Variants in ADCY10 observed in about 807,000 individuals in gnomAD.
The protein encoded by ADCY10 is adenylate cyclase 10.
ADCY10 carries 156 observed loss-of-function variants against 183.3 expected under a neutral mutation model. The observed-to-expected ratio is 0.85, with a 90% CI of 0.75 to 0.97. ADCY10 has a LOEUF of 0.97. Ranked by LOEUF, ADCY10 falls within the 50% of genes least tolerant of loss-of-function variation. The pLI, the probability that ADCY10 is intolerant of heterozygous loss-of-function variation, is 0.00. For missense variants in ADCY10, 1,745 were observed against 1,934.3 expected (o/e 0.90, Z 1.84); for synonymous variants, 645 against 670.0 (o/e 0.96, Z 0.58).
At position 167,856,121 on chromosome 1, in the gene ADCY10, T is replaced by C. The variant is rs376769988; in HGVS notation, c.2171+44A>G. On this transcript the variant is annotated intron_variant, in intron 17 of 32. Transcript: ENST00000367851. Reference sequence around the variant, plus strand: ...TCTGATGAAGTCTAGACCGAGGGAATGTATGCAGATGTCGAGAGTTCAGAA... The same window carrying C: ...TCTGATGAAGTCTAGACCGAGGGAACGTATGCAGATGTCGAGAGTTCAGAA... 1,629 of 1,603,880 alleles carry C rather than the reference T, an allele frequency of 1.0e-3. 2 individuals carry two copies. Among genetic ancestry groups the C allele is most frequent in the Non-Finnish European group, 1.3e-3 (1,506 of 1,170,928 alleles).
chr1:167,829,511 A>G, intron 25 of ADCY10, 88 bp from the exon 26 acceptor site: 2 of 1,506,472 alleles, frequency 1.3e-6, no homozygotes, highest in Non-Finnish European at 1.8e-6. Context: ...TGTCCTCACT[A>G]TGGGCCTGGG....
At chr1:167,887,333 T>C (rs61806998) in intron 8 of ADCY10, among the ~76,000 whole-genome samples, 27,404 of 152,208 alleles carry the variant, frequency 0.18, 2,793 homozygotes, top group South Asian at 0.31. Context: ...TAAGAAAATG[T>C]GGCATGTATA....
chr1:167,870,283 C>G lies in ADCY10; in HGVS notation c.1590G>C (p.Glu530Asp), dbSNP rs765573001. The G allele has an allele frequency of 3.7e-6, 6 of 1,614,052 alleles. No individual in the cohort carries two copies. ...TGTGATTCTTACCTTGGGCCAGGTACTCAATTTTCATAAGTATCTGGCTTT... is the reference window on the plus strand; with the variant it reads ...TGTGATTCTTACCTTGGGCCAGGTAGTCAATTTTCATAAGTATCTGGCTTT... ...YGKSQILMKI[E>D]YLAQGKNHRI... Residue 530 changes from glutamate to aspartate, a missense_variant, in exon 14 of 33, where the codon GAG (glutamate) becomes GAC (aspartate). Physicochemically the swap from Glu to Asp is conservative, Grantham distance 45. Transcript: ENST00000367851.
chr1:167,883,701 A>C (rs968534853), intron 8 of ADCY10, 73 bp from the exon 9 acceptor site: 2 of 1,401,050 alleles, frequency 1.4e-6, no homozygotes, highest in Non-Finnish European at 2.0e-6. Flanking sequence ...CCCCCACCTC[A>C]TACCCGAAAT....
At chr1:167,842,117 C>T (rs1320323285) in intron 21 of ADCY10, among the ~76,000 whole-genome samples, 1 of 152,160 alleles carries the variant, frequency 6.6e-6, no homozygotes, top group East Asian at 1.9e-4. Flanking sequence ...CAGCTTCCTC[C>T]CTATCTGATT....
rs141877775 is a variant in ADCY10 at position 167,871,267 on chromosome 1, A to C, written c.1463-857T>G. On this transcript the variant is annotated intron_variant, in intron 13 of 32. Coordinates refer to ENST00000367851, the MANE Select transcript of ADCY10 (RefSeq NM_018417.6). ...TTATACTTAATTCAGGGCTACAAAA[A>C]GCATTACCAGGGATAAAATTCAATT... 6.7e-3 allele frequency among the ~76,000 whole-genome samples: 1,026 copies of C among 152,328 alleles called. 16 individuals are homozygous for C. The highest frequency in any genetic ancestry group is 0.024 in the African/African-American group (978 of 41,564).
At chr1:167,817,929 C>A in intron 31 of ADCY10, 143 bp downstream of exon 31, 1 of 808,178 alleles carries the variant, frequency 1.2e-6, no homozygotes, top group East Asian at 2.7e-5. Flanking sequence ...TTTATATTTT[C>A]TTTCTTACTT....
chr1:167,865,851 C>G (rs2102095737), intron 14 of ADCY10, among the ~76,000 whole-genome samples: 1 of 152,328 alleles, frequency 6.6e-6, no homozygotes, highest in African/African-American at 2.4e-5. Context: ...AAGTGGTCCT[C>G]CAGTCCACCA....
At chr1:167,911,168 T>C (rs1265498104) in intron 1 of ADCY10, among the ~76,000 whole-genome samples, 1 of 152,194 alleles carries the variant, frequency 6.6e-6, no homozygotes, top group Non-Finnish European at 1.5e-5. Flanking sequence ...CTGGGCAGTT[T>C]TAGGAAGTGT....
Position 167,810,851 on chromosome 1 carries a change from G to A in ADCY10, c.4545C>T (p.His1515=). The change falls in exon 32 of 33, where the codon CAC becomes CAT. Residue 1515 remains histidine, a synonymous_variant. Coordinates refer to ENST00000367851, the MANE Select transcript of ADCY10 (RefSeq NM_018417.6). ...TGPVFCPRLY[H]LMAYVCILMG... ...TTAATATACAGACGTAAGCCATCAG[G>A]TGGTAGAGCCTTGGGCAAAAGACAG... 2 of 1,614,182 alleles carry A rather than the reference G, an allele frequency of 1.2e-6. No homozygotes were observed. Among genetic ancestry groups the A allele is most frequent in the Non-Finnish European group, 1.7e-6 (2 of 1,180,026 alleles).
chr1:167,823,111 C>G lies in ADCY10; in HGVS notation c.4065G>C (p.Leu1355Phe). ...CLLLNSRYPQLIQVLGRLWEL... is the reference protein window; with the variant it reads ...CLLLNSRYPQFIQVLGRLWEL... ...CCCACAGCCGCCCCAGCACCTGGATCAATTGCGGGTATCTATGGAAAAGAA... is the reference window on the plus strand; with the variant it reads ...CCCACAGCCGCCCCAGCACCTGGATGAATTGCGGGTATCTATGGAAAAGAA... The change falls in exon 29 of 33, where the codon TTG becomes TTC. Residue 1355 changes from leucine to phenylalanine, a missense_variant. By Grantham distance (22) the Leu-to-Phe change is conservative. Transcript: ENST00000367851. 1 of 1,614,040 alleles carries G rather than the reference C, an allele frequency of 6.2e-7. No individual in the cohort carries two copies. Among genetic ancestry groups the G allele is most frequent in the Non-Finnish European group, 8.5e-7 (1 of 1,179,950 alleles).
chr1:167,811,608 C>G (rs1450195722), intron 31 of ADCY10, among the ~76,000 whole-genome samples: 2 of 152,004 alleles, frequency 1.3e-5, no homozygotes, highest in Non-Finnish European at 2.9e-5. Context: ...ATAAATAAAG[C>G]TGAACAGACT....
At chr1:167,868,831 T>C (rs1247580769) in intron 14 of ADCY10, among the ~76,000 whole-genome samples, 1 of 152,220 alleles carries the variant, frequency 6.6e-6, no homozygotes, top group Non-Finnish European at 1.5e-5. Context: ...CTCATGGGTA[T>C]ACCAGACCCC....
intron 30 of ADCY10, chr1:167,820,408 C>T: frequency 1.9e-6 from 1 of 524,168 alleles, no homozygotes; most frequent in Non-Finnish European, 3.3e-6. Context: ...GAGAGCTGGC[C>T]GACTGCCCTC....
In ADCY10 at chr1:167,896,594, C is replaced by T. The variant is rs762291783; in HGVS notation, c.739+1G>A. 6.2e-7 allele frequency: 1 copy of T among 1,608,054 alleles called. No homozygotes were observed. Among genetic ancestry groups the T allele is most frequent in the Non-Finnish European group, 8.5e-7 (1 of 1,174,528 alleles). On this transcript the variant is annotated splice_donor_variant, in intron 7 of 32. Transcript: ENST00000367851. LOFTEE classifies it high-confidence loss of function. The stretch of plus-strand genomic sequence containing the variant: ...GGCATTTTTCCATGGTGGGTACTTA[C>T]TTTTGTGCTCACCAGAAGGATAATA...
Position 167,843,031 on chromosome 1 carries a change from T to C in ADCY10, c.3007+2532A>G, listed in dbSNP as rs1000770572. Among the ~76,000 whole-genome samples, 7 of 152,194 alleles carry C rather than the reference T, an allele frequency of 4.6e-5. No homozygotes were observed. The East Asian group carries it at 1.2e-3, about 25-fold the overall frequency. ...TCTAAAGTTTGTCGAGTCGATAGCC[T>C]TCTGAACAGGTGAAAAATTCTGATA... On this transcript the variant is annotated intron_variant, in intron 21 of 32. Transcript: ENST00000367851.
At chr1:167,845,195 T>A (rs1425462058) in intron 21 of ADCY10, among the ~76,000 whole-genome samples, 2 of 152,178 alleles carry the variant, frequency 1.3e-5, no homozygotes, top group African/African-American at 2.4e-5. Context: ...AACAAAGCAA[T>A]AATATTCTTA....
At chr1:167,911,844 G>A (rs539058734) in intron 1 of ADCY10, among the ~76,000 whole-genome samples, 2 of 152,292 alleles carry the variant, frequency 1.3e-5, no homozygotes, top group African/African-American at 4.8e-5. Context: ...TTTTAATTAA[G>A]GTGATGTGAA....
In ADCY10 at chr1:167,823,120, G is replaced by A. The variant is rs779830099; in HGVS notation, c.4056C>T (p.Tyr1352=). 5 of 1,613,830 alleles carry A rather than the reference G, an allele frequency of 3.1e-6. No homozygotes were observed. In the East Asian group the frequency reaches 8.9e-5, roughly 29 times the overall value. ...LSRCLLLNSR[Y]PQLIQVLGRL... is the part of the protein sequence containing the mutation. ...GCCCCAGCACCTGGATCAATTGCGG[G>A]TATCTATGGAAAAGAAAAGGTAGTG... Residue 1352 remains tyrosine, a synonymous_variant, in exon 29 of 33, where the codon TAC becomes TAT. Transcript: ENST00000367851.
Sources: gnomAD v4.1 joint callset for allele counts (sites outside exome capture counted in the v4.1 genomes callset) on GRCh38, gnomAD v4.1.1 for gene constraint, MANE v1.5 for transcripts, NCBI Gene and HGNC (gene_info 2026-07-23, HGNC 2026-07-21) for gene names.